Variants in IARS1 observed in about 807,000 individuals in gnomAD.
The protein encoded by IARS1 is isoleucine--tRNA ligase, cytoplasmic.
In IARS1, 124 loss-of-function variants were observed where a neutral mutation model predicts 168.2. The ratio of observed to expected loss-of-function variants is 0.74; its 90% CI spans 0.64 to 0.86. The LOEUF is 0.86. Ranked by LOEUF, IARS1 falls within the 40% of genes least tolerant of loss-of-function variation. The probability of loss-of-function intolerance (pLI) is 0.00; values close to 1 mark genes in which losing one functional copy is unlikely to be tolerated. For synonymous variants in IARS1, 532 were observed against 529.4 expected, an observed-to-expected ratio of 1.00 and a Z score of -0.07; for missense variants, 1,452 against 1,515.8, an observed-to-expected ratio of 0.96 and a Z score of 0.70.
chr9:92,285,882 T>G, intron 5 of IARS1, 43 bp from the exon 6 acceptor site: 1 of 1,112,940 alleles, frequency 9.0e-7, no homozygotes, highest in South Asian at 1.3e-5. Context: ...CAAAATTCTA[T>G]TTCTGAAAAT....
chr9:92,256,879 T>A, intron 19 of IARS1, 79 bp from the exon 20 acceptor site: 1 of 1,365,934 alleles, frequency 7.3e-7, no homozygotes, highest in Admixed American at 2.2e-5. Context: ...TTAAATCACT[T>A]AAACAAAAAC....
intron 22 of IARS1, 95 bp from the exon 23 acceptor site, chr9:92,250,929 A>G (rs1285514533): frequency 7.3e-7 from 1 of 1,368,520 alleles, no homozygotes; most frequent in Admixed American, 2.0e-5. Flanking sequence ...TTAGAGAATG[A>G]CACAGTAATA....
In IARS1 at chr9:92,278,298, AG is replaced by A. The variant is rs767986404; in HGVS notation, c.746-13del. The A allele has an allele frequency of 6.4e-7, 1 of 1,570,402 alleles. No homozygotes were observed. The highest frequency in any genetic ancestry group is 1.1e-5 in the South Asian group (1 of 90,130). ...TCCTCTGGCAACATCTACGAGAAAA[AG>A]GAAAAACATGGACTTGGGTTATATT... On this transcript the variant is annotated splice_polypyrimidine_tract_variant and intron_variant, in intron 7 of 33. Coordinates refer to ENST00000443024, the MANE Select transcript of IARS1 (RefSeq NM_002161.6).
intron 17 of IARS1, among the ~76,000 whole-genome samples, chr9:92,261,700 C>T (rs763183366): frequency 2.0e-5 from 3 of 151,896 alleles, no homozygotes; most frequent in Non-Finnish European, 4.4e-5. Flanking sequence ...TTTAAGGGAT[C>T]TCTATTATTT....
At chr9:92,212,750 G>A (rs1039469483) in intron 33 of IARS1, among the ~76,000 whole-genome samples, 11 of 152,166 alleles carry the variant, frequency 7.2e-5, no homozygotes, top group African/African-American at 2.4e-4. Context: ...AAGTGTGTTC[G>A]AGGGAGAGTG....
intron 6 of IARS1, among the ~76,000 whole-genome samples, chr9:92,284,566 C>A (rs769350029): frequency 7.9e-5 from 12 of 152,136 alleles, no homozygotes; most frequent in Non-Finnish European, 1.3e-4. Context: ...GTGGGTGGAT[C>A]GCAAGGTCAG....
At chr9:92,219,163 G>A (rs1031847487) in intron 33 of IARS1, among the ~76,000 whole-genome samples, 2 of 152,120 alleles carry the variant, frequency 1.3e-5, no homozygotes, top group Non-Finnish European at 2.9e-5. Context: ...AGAAAAACAA[G>A]CAATGGGGAA....
chr9:92,260,327 C>T, intron 17 of IARS1, 93 bp from the exon 18 acceptor site: 1 of 908,216 alleles, frequency 1.1e-6, no homozygotes, highest in Non-Finnish European at 1.9e-6. Flanking sequence ...CAGGAATATA[C>T]AAAATGAAAT....
chr9:92,258,884 G>A lies in IARS1; in HGVS notation c.1986C>T (p.Phe662=). 6.2e-7 allele frequency: 1 copy of A among 1,612,860 alleles called. No individual in the cohort carries two copies. The highest frequency in any genetic ancestry group is 8.5e-7 in the Non-Finnish European group (1 of 1,179,636). The change falls in exon 19 of 34, where the codon TTC becomes TTT. Residue 662 remains phenylalanine (F), a synonymous_variant. Coordinates refer to ENST00000443024, the MANE Select transcript of IARS1 (RefSeq NM_002161.6). ...VLLPWYNAYR[F]LIQNVLRLQK... is the part of the protein sequence containing the mutation. ...GGAGCCTCAGAACGTTCTGGATTAA[G>A]AAGCGATAGGCATTGTACCATGGGA... is the stretch of plus-strand genomic sequence containing the variant.
At chr9:92,237,515 G>A (rs773567190) in intron 30 of IARS1, among the ~76,000 whole-genome samples, 3 of 149,852 alleles carry the variant, frequency 2.0e-5, no homozygotes, top group African/African-American at 7.3e-5. Flanking sequence ...TTTGGCTGAG[G>A]TGTTCTAACT....
intron 33 of IARS1, among the ~76,000 whole-genome samples, chr9:92,220,785 G>C (rs1839551178): frequency 6.6e-6 from 1 of 152,006 alleles, no homozygotes; most frequent in Non-Finnish European, 1.5e-5. Flanking sequence ...TGACCTTATA[G>C]CAAGACCCTG....
At chr9:92,222,770 G>T in intron 32 of IARS1, 98 bp from the exon 33 acceptor site, 1 of 1,193,768 alleles carries the variant, frequency 8.4e-7, no homozygotes, top group South Asian at 1.4e-5. Context: ...GCAGTGCTGA[G>T]GCCAGCAGTG....
At chr9:92,217,012 C>A (rs1208385608) in intron 33 of IARS1, among the ~76,000 whole-genome samples, 7 of 149,932 alleles carry the variant, frequency 4.7e-5, no homozygotes, top group Non-Finnish European at 7.5e-5. Flanking sequence ...AAATTGACCA[C>A]ATACTTGGAA....
intron 33 of IARS1, among the ~76,000 whole-genome samples, chr9:92,217,969 C>A (rs917311318): frequency 3.3e-5 from 5 of 151,824 alleles, no homozygotes; most frequent in East Asian, 1.9e-4. Flanking sequence ...GAGACACAAC[C>A]AAAAAAGAGA....
chr9:92,240,858 T>C lies in IARS1; in HGVS notation c.3281A>G (p.Gln1094Arg). ...CAAATCATGGAATTTACTCTTACCT[T>C]GTTCACTGCCATTTGCACAAATGTT... ...NLNICANGSE[Q>R]GGVLLLENPK... Residue 1094 changes from glutamine (Q) to arginine (R), a missense_variant and splice_region_variant, in exon 30 of 34, where the codon CAA becomes CGA. By Grantham distance (43) the Gln-to-Arg change is conservative (BLOSUM62 1). Coordinates refer to ENST00000443024, the MANE Select transcript of IARS1 (RefSeq NM_002161.6). The C allele has an allele frequency of 1.3e-6, 2 of 1,593,448 alleles. No individual in the cohort carries two copies. Among genetic ancestry groups the C allele is most frequent in the Non-Finnish European group, 1.7e-6 (2 of 1,161,182 alleles).
chr9:92,288,014 T>A (rs1835721903), intron 3 of IARS1, 104 bp from the exon 4 acceptor site: 2 of 1,532,306 alleles, frequency 1.3e-6, no homozygotes, highest in South Asian at 2.3e-5. Context: ...ATTATAGAAA[T>A]GAACTAGAAG....
Position 92,247,641 on chromosome 9 carries a change from C to A in IARS1, c.2617-90G>T, listed in dbSNP as rs1829415304. 3.5e-6 allele frequency: 4 copies of A among 1,154,180 alleles called. No individual in the cohort carries two copies. In the African/African-American group the frequency reaches 4.6e-5, roughly 13 times the overall value. The allele number at this position is 1,154,180 out of a possible 1,614,324, so 71.5% of individuals were successfully genotyped here. A position where few individuals can be genotyped will look rare whatever the true frequency, so the allele number is the denominator to read the frequency against. ...AGGTCCACAGCAGCATTATTCCTAA[C>A]TGCCAGAAAGCAAGAACACTTCAAG... is the stretch of plus-strand genomic sequence containing the variant. On this transcript the variant is annotated intron_variant, in intron 25 of 33. Coordinates refer to ENST00000443024, the MANE Select transcript of IARS1 (RefSeq NM_002161.6).
At chr9:92,257,833 T>A (rs962001032) in intron 19 of IARS1, among the ~76,000 whole-genome samples, 2 of 152,148 alleles carry the variant, frequency 1.3e-5, no homozygotes, top group Non-Finnish European at 2.9e-5. Context: ...GTGCTGGAGA[T>A]CAGATGTGCA....
At chr9:92,261,743 A>C (rs1169684359) in intron 17 of IARS1, among the ~76,000 whole-genome samples, 1 of 151,860 alleles carries the variant, frequency 6.6e-6, no homozygotes, top group Non-Finnish European at 1.5e-5. Context: ...CAATGATCTC[A>C]ATACAATTTC....
Sources: gnomAD v4.1 joint callset for allele counts (sites outside exome capture counted in the v4.1 genomes callset) on GRCh38, gnomAD v4.1.1 for gene constraint, MANE v1.5 for transcripts, NCBI Gene and HGNC (gene_info 2026-07-23, HGNC 2026-07-21) for gene names.